The following GABBR2 variants were observed in gnomAD, a reference collection of about 807,000 sequenced individuals.
GABBR2 encodes the protein gamma-aminobutyric acid type B receptor subunit 2.
In GABBR2, 23 loss-of-function variants were observed where a neutral mutation model predicts 105.6. That is an observed-to-expected ratio of 0.22 (90% CI 0.16 to 0.31). The LOEUF (loss-of-function observed/expected upper bound fraction) is 0.31, where lower values mean the gene tolerates loss of function less well. GABBR2 is among the 10% of genes least tolerant of loss of function. The probability of loss-of-function intolerance (pLI) is 1.00; values close to 1 mark genes in which losing one functional copy is unlikely to be tolerated. For synonymous variants in GABBR2, 478 were observed against 499.7 expected (o/e 0.96, Z 0.58); for missense variants, 734 against 1,245.5 (o/e 0.59, Z 6.18).
chr9:98,380,161 G>A (rs1831946260), intron 11 of GABBR2, among the ~76,000 whole-genome samples: 1 of 152,216 alleles, frequency 6.6e-6, no homozygotes, highest in South Asian at 2.1e-4. Flanking sequence ...GCCTTGTCAG[G>A]TGGTTGTGAA....
At chr9:98,544,017 C>T (rs1003101903) in intron 2 of GABBR2, among the ~76,000 whole-genome samples, 2 of 151,922 alleles carry the variant, frequency 1.3e-5, no homozygotes, top group African/African-American at 2.4e-5. Flanking sequence ...GTCCTCCCTC[C>T]TTCCCTCCCT....
rs567323547 is a variant in GABBR2 at position 98,518,450 on chromosome 9, C to T, written c.631-21936G>A. Among the ~76,000 whole-genome samples the T allele has an allele frequency of 7.9e-5, 12 of 152,318 alleles. No individual in the cohort carries two copies. The East Asian group carries it at 2.1e-3, about 27-fold the overall frequency. On this transcript the variant is annotated intron_variant, in intron 3 of 18. Coordinates refer to ENST00000259455, the MANE Select transcript of GABBR2 (RefSeq NM_005458.8). Reference sequence around the variant, plus strand: ...TGCATGCGCGAATCCCCTTAAGTTTCGGACTTCAGCCCTCCTATGTCTAAG... The same window carrying T: ...TGCATGCGCGAATCCCCTTAAGTTTTGGACTTCAGCCCTCCTATGTCTAAG...
In GABBR2 at chr9:98,560,788, A is replaced by ATG. The variant is rs575486737; in HGVS notation, c.459+17146_459+17147insCA. ...ATATATACTATATAGTAGTGTATATATATATATATACATAGACACACATAT... is the reference window on the plus strand; with the variant it reads ...ATATATACTATATAGTAGTGTATATATGTATATATATACATAGACACACATAT... On this transcript the variant is annotated intron_variant, in intron 2 of 18. Coordinates refer to ENST00000259455, the MANE Select transcript of GABBR2 (RefSeq NM_005458.8). Among the ~76,000 whole-genome samples, 65 of 147,970 alleles carry ATG rather than the reference A, an allele frequency of 4.4e-4. No individual in the cohort carries two copies. In the South Asian group the frequency reaches 7.8e-3, roughly 18 times the overall value.
At chr9:98,447,676 T>C (rs1296685184) in intron 7 of GABBR2, among the ~76,000 whole-genome samples, 1 of 151,966 alleles carries the variant, frequency 6.6e-6, no homozygotes, top group East Asian at 1.9e-4. Flanking sequence ...TGAGCCAACA[T>C]TGCAAATTCC....
Position 98,648,116 on chromosome 9 carries a change from T to TGTGTGTGTGTATAG in GABBR2, c.321+60300_321+60301insCTATACACACACAC. The stretch of plus-strand genomic sequence containing the variant: ...GTGTGTGTGTGTGTGTGTGTGTGTG[T>TGTGTGTGTGTATAG]ATAGATAGATAGATAGATAGATAGA... On this transcript the variant is annotated intron_variant, in intron 1 of 18. Transcript: ENST00000259455. 6.0e-3 allele frequency among the ~76,000 whole-genome samples: 338 copies of TGTGTGTGTGTATAG among 55,944 alleles called. 2 individuals carry two copies. The highest frequency in any genetic ancestry group is 9.3e-3 in the South Asian group (10 of 1,078). 36.7% of individuals were successfully genotyped at this position (55,944 alleles called of 152,430 possible). A position where few individuals can be genotyped will look rare whatever the true frequency, so the allele number is the denominator to read the frequency against.
intron 13 of GABBR2, among the ~76,000 whole-genome samples, chr9:98,324,681 G>C (rs1830889865): frequency 6.6e-6 from 1 of 152,206 alleles, no homozygotes; most frequent in African/African-American, 2.4e-5. Flanking sequence ...TGTGGCCACT[G>C]CTGGCGGTGT....
chr9:98,362,673 C>T (rs572276362), intron 13 of GABBR2, 42 bp downstream of exon 13: 17 of 1,452,646 alleles, frequency 1.2e-5, no homozygotes, highest in African/African-American at 4.3e-5. Flanking sequence ...GTGCCAGGGG[C>T]TGCATCTGCA....
chr9:98,419,016 C>A, intron 7 of GABBR2, among the ~76,000 whole-genome samples: 1 of 152,208 alleles, frequency 6.6e-6, no homozygotes, highest in African/African-American at 2.4e-5. Context: ...AATTGCTGAC[C>A]AGCTGACCTG....
intron 17 of GABBR2, among the ~76,000 whole-genome samples, chr9:98,296,168 G>T (rs1263400613): frequency 6.6e-6 from 1 of 152,212 alleles, no homozygotes; most frequent in Non-Finnish European, 1.5e-5. Context: ...GCATGGATGA[G>T]GTTAGGGCCC....
At chr9:98,305,095 C>T (rs978524518) in intron 15 of GABBR2, among the ~76,000 whole-genome samples, 19 of 151,944 alleles carry the variant, frequency 1.3e-4, no homozygotes, top group African/African-American at 4.6e-4. Context: ...TTTTGAGACT[C>T]ACTTAGGTCA....
intron 2 of GABBR2, among the ~76,000 whole-genome samples, chr9:98,556,624 G>A (rs565599080): frequency 1.6e-4 from 24 of 152,282 alleles, no homozygotes; most frequent in Non-Finnish European, 1.5e-5. Flanking sequence ...CTGTGTGCCT[G>A]TAGAACACAC....
intron 16 of GABBR2, among the ~76,000 whole-genome samples, chr9:98,301,432 G>A (rs1467623961): frequency 6.6e-6 from 1 of 152,236 alleles, no homozygotes; most frequent in East Asian, 1.9e-4. Context: ...GGAAAAACAT[G>A]GTTAGAGGAT....
At chr9:98,477,632 C>G (rs1826821063) in intron 5 of GABBR2, among the ~76,000 whole-genome samples, 6 of 152,134 alleles carry the variant, frequency 3.9e-5, no homozygotes. Flanking sequence ...TCACACGGTT[C>G]AGCCCCATGA....
intron 2 of GABBR2, among the ~76,000 whole-genome samples, chr9:98,556,339 A>G (rs1828583098): frequency 6.6e-6 from 1 of 152,060 alleles, no homozygotes; most frequent in Non-Finnish European, 1.5e-5. Context: ...AATCCCAGGG[A>G]CACCGGGGCT....
intron 6 of GABBR2, among the ~76,000 whole-genome samples, chr9:98,469,764 T>C (rs1057060465): frequency 1.3e-5 from 2 of 152,186 alleles, no homozygotes. Flanking sequence ...TCCCTTCCCC[T>C]CTCTGGCTCT....
intron 13 of GABBR2, among the ~76,000 whole-genome samples, chr9:98,332,179 CAG>C (rs1195528327): frequency 2.6e-5 from 4 of 152,158 alleles, no homozygotes; most frequent in Non-Finnish European, 5.9e-5. Flanking sequence ...AAAATGGAAA[CAG>C]AACACTCTCT....
At chr9:98,702,661 T>A (rs566601295) in intron 1 of GABBR2, among the ~76,000 whole-genome samples, 1 of 152,344 alleles carries the variant, frequency 6.6e-6, no homozygotes, top group East Asian at 1.9e-4. Context: ...TCATCTTTGA[T>A]CTGGAGACCC....
intron 7 of GABBR2, among the ~76,000 whole-genome samples, chr9:98,447,758 G>C (rs1202383754): frequency 6.6e-6 from 1 of 151,748 alleles, no homozygotes; most frequent in Non-Finnish European, 1.5e-5. Context: ...TGGAATTCCA[G>C]CCAAACTGAG....
chr9:98,420,789 A>C (rs1376984114), intron 7 of GABBR2, among the ~76,000 whole-genome samples: 1 of 152,192 alleles, frequency 6.6e-6, no homozygotes, highest in Non-Finnish European at 1.5e-5. Flanking sequence ...TACCAGGAAG[A>C]AGGAATCACC....
Sources: allele counts gnomAD v4.1 joint callset (sites outside exome capture counted in the v4.1 genomes callset), GRCh38; gene constraint gnomAD v4.1.1; transcripts MANE v1.5; gene names NCBI Gene and HGNC (gene_info 2026-07-23, HGNC 2026-07-21).